LAMB1: variants seen among roughly 807,000 people sequenced by gnomAD.
LAMB1 encodes the protein laminin subunit beta 1, also known as laminin subunit beta-1.
LAMB1 carries 121 observed loss-of-function variants against 222.3 expected under a neutral mutation model. That is an observed-to-expected ratio of 0.54 (90% CI 0.47 to 0.63). LAMB1 has a LOEUF of 0.63. LAMB1 is among the 30% of genes least tolerant of loss of function. The pLI is 0.00. For synonymous variants in LAMB1, 794 were observed against 807.2 expected (o/e 0.98, Z 0.28); for missense variants, 2,172 against 2,240.8 (o/e 0.97, Z 0.62).
intron 25 of LAMB1, among the ~76,000 whole-genome samples, chr7:107,938,872 A>C (rs2032911827): frequency 6.6e-6 from 1 of 152,200 alleles, no homozygotes; most frequent in African/African-American, 2.4e-5. Context: ...ATCAAGGTCC[A>C]GTTACTTTAA....
In LAMB1 at chr7:107,940,050, G is replaced by C. The variant is rs748765397; in HGVS notation, c.3700C>G (p.Leu1234Val). ...GGCTCTGCTGCGGGGCTCTGCGCCA[G>C]GATGTCTTTTATCTCGCTGACTTTC... Reference protein sequence around the residue: ...ERKVSEIKDILAQSPAAEPLK... With the variant: ...ERKVSEIKDIVAQSPAAEPLK... The change falls in exon 25 of 34, where the codon CTG (leucine) becomes GTG (valine). Residue 1234 changes from leucine (L) to valine (V), a missense_variant. Transcript: ENST00000222399. 5.0e-6 allele frequency: 8 copies of C among 1,614,020 alleles called. No individual in the cohort carries two copies. The Admixed American group carries it at 8.3e-5, about 17-fold the overall frequency.
chr7:107,935,603 T>C lies in LAMB1; in HGVS notation c.4000A>G (p.Arg1334Gly), dbSNP rs1265197218. The change falls in exon 27 of 34, where the codon AGG becomes GGG. Residue 1334 changes from arginine to glycine, a missense_variant. Arg to Gly is a moderately radical substitution (Grantham distance 125). Transcript: ENST00000222399. ...YFQMSLEAEE[R>G]VNASTTEPNS... ...GGTTCTGTGGTGGAGGCATTCACCC[T>C]CTCCTCTGCCTCAAGAGACATCTGG... The C allele has an allele frequency of 2.5e-6, 4 of 1,613,608 alleles. No individual in the cohort carries two copies. Among genetic ancestry groups the C allele is most frequent in the Non-Finnish European group, 3.4e-6 (4 of 1,179,648 alleles).
Position 107,975,870 on chromosome 7 carries a change from G to C in LAMB1, c.1008C>G (p.Asn336Lys). ...GRNSNACKKC[N>K]CNEHSISCHF... ...GACAAGAGATGGAATGTTCATTGCA[G>C]TTACATTCTGCGTGACAAGAGCAAC... is the stretch of plus-strand genomic sequence containing the variant. The change falls in exon 10 of 34, where the codon AAC becomes AAG. Residue 336 changes from asparagine to lysine, a missense_variant. Asn to Lys is a moderately conservative substitution (Grantham distance 94). Transcript: ENST00000222399. 6.2e-7 allele frequency: 1 copy of C among 1,613,542 alleles called. No individual in the cohort carries two copies. Among genetic ancestry groups the C allele is most frequent in the South Asian group, 1.1e-5 (1 of 90,970 alleles).
chr7:107,935,370 T>TGG, intron 27 of LAMB1, 45 bp downstream of exon 27: 2 of 1,169,354 alleles, frequency 1.7e-6, no homozygotes, highest in East Asian at 3.1e-5. Flanking sequence ...TTTTTTTTTT[T>TGG]TTTGCTTGGC....
chr7:107,927,742 A>AT (rs112534205), intron 31 of LAMB1, among the ~76,000 whole-genome samples: 11,601 of 152,224 alleles, frequency 0.076, 1,491 homozygotes, highest in African/African-American at 0.26. Context: ...GGAAAACATA[A>AT]TTTTTCTAAA....
chr7:107,948,269 G>A (rs1028254162), intron 24 of LAMB1, among the ~76,000 whole-genome samples: 2 of 152,136 alleles, frequency 1.3e-5, no homozygotes, highest in Admixed American at 6.6e-5. Context: ...TTACAGGCGT[G>A]AACCACCGTG....
intron 15 of LAMB1, among the ~76,000 whole-genome samples, chr7:107,962,303 A>G (rs2033522684): frequency 6.6e-6 from 1 of 152,206 alleles, no homozygotes. Flanking sequence ...CTGTCACTGC[A>G]CAGCCAGGTT....
chr7:107,938,242 A>C (rs949265846), intron 25 of LAMB1, among the ~76,000 whole-genome samples: 8 of 152,214 alleles, frequency 5.3e-5, no homozygotes, highest in Non-Finnish European at 1.2e-4. Context: ...CTATAACCCA[A>C]CTCAAAGAAA....
At chr7:107,969,986 C>T (rs1410134415) in intron 13 of LAMB1, among the ~76,000 whole-genome samples, 1 of 152,180 alleles carries the variant, frequency 6.6e-6, no homozygotes, top group Non-Finnish European at 1.5e-5. Flanking sequence ...GTTCTGGATT[C>T]GAAGTACAAT....
Position 107,951,340 on chromosome 7 carries a change from A to G in LAMB1, c.3295-18T>C. On this transcript the variant is annotated intron_variant, in intron 23 of 33. Coordinates refer to ENST00000222399, the MANE Select transcript of LAMB1 (RefSeq NM_002291.3). ...CCCGTGAACTGCGGCCAGAACACAG[A>G]CCTTGGTCAAGCAGGCTTCAGGCCA... 1 of 1,611,862 alleles carries G rather than the reference A, an allele frequency of 6.2e-7. No individual in the cohort carries two copies. Among genetic ancestry groups the G allele is most frequent in the Non-Finnish European group, 8.5e-7 (1 of 1,178,458 alleles).
intron 20 of LAMB1, among the ~76,000 whole-genome samples, 188 bp downstream of exon 20, chr7:107,959,061 G>A (rs778818214): frequency 5.9e-5 from 9 of 152,196 alleles, no homozygotes; most frequent in Non-Finnish European, 1.0e-4. Flanking sequence ...CCAGAACGGT[G>A]CCTGGCACAT....
chr7:107,997,240 C>T (rs1261816690), intron 4 of LAMB1, among the ~76,000 whole-genome samples: 4 of 152,038 alleles, frequency 2.6e-5, no homozygotes, highest in South Asian at 2.1e-4. Context: ...TGGCTAACAC[C>T]GTGAAACCCC....
chr7:107,949,619 G>A (rs1369514769), intron 24 of LAMB1, among the ~76,000 whole-genome samples: 1 of 152,148 alleles, frequency 6.6e-6, no homozygotes, highest in East Asian at 1.9e-4. Context: ...ACCAAATTTG[G>A]AGAATGATGA....
intron 27 of LAMB1, among the ~76,000 whole-genome samples, chr7:107,934,368 CTG>C (rs935869967): frequency 6.6e-6 from 1 of 152,192 alleles, no homozygotes; most frequent in African/African-American, 2.4e-5. Flanking sequence ...TTAACTTTCT[CTG>C]TGTCTCTGGG....
intron 3 of LAMB1, chr7:107,999,745 A>G (rs183669470): frequency 6.8e-6 from 1 of 147,762 alleles, no homozygotes; most frequent in East Asian, 2.0e-4. Flanking sequence ...TATATACCAG[A>G]GAGCCTGGCT....
intron 24 of LAMB1, among the ~76,000 whole-genome samples, chr7:107,943,663 G>T (rs1354766780): frequency 6.6e-6 from 1 of 152,150 alleles, no homozygotes; most frequent in East Asian, 1.9e-4. Flanking sequence ...CAGTAGGTCT[G>T]GGTGGGGCCC....
At chr7:107,957,459 A>C (rs550332366) in intron 20 of LAMB1, among the ~76,000 whole-genome samples, 1 of 152,326 alleles carries the variant, frequency 6.6e-6, no homozygotes, top group Admixed American at 6.5e-5. Context: ...GAGGCAGGAG[A>C]ATTGCTTGAA....
In LAMB1 at chr7:107,952,034, T is replaced by C; in HGVS notation, c.3269A>G (p.His1090Arg). The C allele has an allele frequency of 6.2e-7, 1 of 1,613,062 alleles. No individual in the cohort carries two copies. The highest frequency in any genetic ancestry group is 1.1e-5 in the South Asian group (1 of 91,008). ...CTCATTGCAAGATGGCCCGAAGGAA[T>C]GAGCAGCATTGCAGTTGCATGGGTC... ...GCDPCNCNAA[H>R]SFGPSCNEFT... Residue 1090 changes from histidine (H) to arginine (R), a missense_variant, in exon 23 of 34, where the codon CAT (histidine) becomes CGT (arginine). By Grantham distance (29) the His-to-Arg change is conservative (BLOSUM62 0). Transcript: ENST00000222399.
rs565679938 is a variant in LAMB1 at position 107,965,112 on chromosome 7, T to C, written c.1563-425A>G. ...AGACAGAAGCCCTCAATCCCTCGGA[T>C]GGTCTCTATCAGGGTGAAGGCACTA... On this transcript the variant is annotated intron_variant, in intron 13 of 33. Transcript: ENST00000222399. Among the ~76,000 whole-genome samples the C allele has an allele frequency of 3.3e-5, 5 of 152,314 alleles. No individual in the cohort carries two copies. In the South Asian group the frequency reaches 1.0e-3, roughly 32 times the overall value.
Sources: gnomAD v4.1 joint callset for allele counts (sites outside exome capture counted in the v4.1 genomes callset) on GRCh38, gnomAD v4.1.1 for gene constraint, MANE v1.5 for transcripts, NCBI Gene and HGNC (gene_info 2026-07-23, HGNC 2026-07-21) for gene names.